Variants in WDFY1 observed in about 807,000 individuals in gnomAD.
WDFY1 encodes WD repeat and FYVE domain containing 1, also known as WD repeat and FYVE domain-containing protein 1.
WDFY1 carries 32 observed loss-of-function variants against 56.4 expected under a neutral mutation model. The ratio of observed to expected loss-of-function variants is 0.57; its 90% CI spans 0.43 to 0.76. The LOEUF (loss-of-function observed/expected upper bound fraction) is 0.76. Ranked by LOEUF, WDFY1 falls within the 30% of genes least tolerant of loss-of-function variation. The pLI, the probability that WDFY1 is intolerant of heterozygous loss-of-function variation, is 0.00. For synonymous variants in WDFY1, 192 were observed against 197.3 expected, an observed-to-expected ratio of 0.97 and a Z score of 0.23; for missense variants, 480 against 545.7, an observed-to-expected ratio of 0.88 and a Z score of 1.20.
At chr2:223,914,754 A>C (rs1162187782) in intron 2 of WDFY1, among the ~76,000 whole-genome samples, 1 of 152,246 alleles carries the variant, frequency 6.6e-6, no homozygotes, top group East Asian at 1.9e-4. Context: ...TCTGCCTTGC[A>C]TAGCTGTTGT....
intron 1 of WDFY1, among the ~76,000 whole-genome samples, chr2:223,929,651 T>A (rs753349327): frequency 5.9e-5 from 9 of 151,896 alleles, no homozygotes; most frequent in Non-Finnish European, 8.8e-5. Context: ...CTAAAAAAAA[T>A]TTAAAAAAAT....
chr2:223,926,405 A>G (rs1693978910), intron 1 of WDFY1, among the ~76,000 whole-genome samples: 1 of 152,160 alleles, frequency 6.6e-6, no homozygotes, highest in South Asian at 2.1e-4. Flanking sequence ...TGCTGAGACT[A>G]CAAGCATGAG....
intron 1 of WDFY1, among the ~76,000 whole-genome samples, chr2:223,919,887 C>T (rs145389748): frequency 6.6e-6 from 1 of 152,302 alleles, no homozygotes; most frequent in East Asian, 1.9e-4. Flanking sequence ...GGGAGACCCT[C>T]ACACACCCTG....
intron 6 of WDFY1, among the ~76,000 whole-genome samples, chr2:223,897,351 C>CATATATATATAT (rs1194128689): frequency 3.4e-4 from 18 of 53,664 alleles, no homozygotes; most frequent in East Asian, 1.7e-3. Context: ...CTAAATTTCG[C>CATATATATATAT]ATATATATAT....
chr2:223,884,868 T>TTTC, intron 8 of WDFY1, 119 bp from the exon 9 acceptor site: 5 of 918,518 alleles, frequency 5.4e-6, no homozygotes, highest in South Asian at 1.7e-5. Context: ...TCTTTTTTTT[T>TTTC]TTTTTTTGGT....
intron 1 of WDFY1, among the ~76,000 whole-genome samples, chr2:223,920,260 C>T (rs1171955367): frequency 3.3e-5 from 5 of 152,222 alleles, no homozygotes; most frequent in South Asian, 4.1e-4. Context: ...ACCAGTGACC[C>T]GCTGCTCAAG....
chr2:223,921,937 C>G (rs1400185739), intron 1 of WDFY1, among the ~76,000 whole-genome samples: 2 of 152,196 alleles, frequency 1.3e-5, no homozygotes, highest in Non-Finnish European at 1.5e-5. Flanking sequence ...ACTCTTGCCT[C>G]CCTCTGCTCC....
At chr2:223,899,957 A>G (rs1298324725) in intron 5 of WDFY1, among the ~76,000 whole-genome samples, 15 of 152,320 alleles carry the variant, frequency 9.8e-5, no homozygotes, top group Non-Finnish European at 2.2e-4. Flanking sequence ...ATTACTGTGG[A>G]TAGTTTAATA....
chr2:223,928,063 G>T (rs1694015504), intron 1 of WDFY1, among the ~76,000 whole-genome samples: 1 of 152,138 alleles, frequency 6.6e-6, no homozygotes, highest in African/African-American at 2.4e-5. Context: ...GGCACAGTTT[G>T]TGGCTCCCCA....
chr2:223,894,451 CACTG>C (rs1693327910), intron 7 of WDFY1, 112 bp from the exon 8 acceptor site: 2 of 995,300 alleles, frequency 2.0e-6, no homozygotes, highest in Admixed American at 4.1e-5. Flanking sequence ...GGTATTTTAC[CACTG>C]ACTATTTAGC....
chr2:223,919,493 G>C (rs922818142), intron 1 of WDFY1, among the ~76,000 whole-genome samples: 3 of 152,178 alleles, frequency 2.0e-5, no homozygotes, highest in Admixed American at 1.3e-4. Flanking sequence ...TTACAGGCGT[G>C]AATCATCACA....
At chr2:223,885,258 A>G (rs1490559006) in intron 8 of WDFY1, among the ~76,000 whole-genome samples, 1 of 149,340 alleles carries the variant, frequency 6.7e-6, no homozygotes, top group South Asian at 2.1e-4. Context: ...TGTCGTGAAC[A>G]TGGCTCACTG....
chr2:223,926,653 T>C (rs1415855795), intron 1 of WDFY1, among the ~76,000 whole-genome samples: 2 of 150,226 alleles, frequency 1.3e-5, no homozygotes, highest in African/African-American at 4.9e-5. Flanking sequence ...AATATGTGCG[T>C]GTGTGTGTGT....
At chr2:223,895,408 G>C (rs531644464) in intron 7 of WDFY1, 96 bp downstream of exon 7, 109 of 1,565,448 alleles carry the variant, frequency 7.0e-5, no homozygotes, top group Non-Finnish European at 9.2e-5. Context: ...ATCTTAGAAC[G>C]TGGGGTTTGC....
Position 223,880,188 on chromosome 2 carries a change from GA to G in WDFY1, c.1108del (p.Ser370ProfsTer11). The G allele has an allele frequency of 6.2e-7, 1 of 1,614,148 alleles. No homozygotes were observed. The highest frequency in any genetic ancestry group is 8.5e-7 in the Non-Finnish European group (1 of 1,180,016). Reference sequence around the variant, plus strand: ...CCTGGCAATGTCCATGGACATGTGGGAAATGTTATGTTTTCCTTCATGAAAG... The same window carrying G: ...CCTGGCAATGTCCATGGACATGTGGGAATGTTATGTTTTCCTTCATGAAAG... ...ATFHEGKHNI[S>X]HMSMDIARGL... On this transcript the variant is annotated frameshift_variant, in exon 11 of 12. Transcript: ENST00000233055. LOFTEE classifies it high-confidence loss of function.
At chr2:223,914,217 G>A (rs932359686) in intron 2 of WDFY1, among the ~76,000 whole-genome samples, 3 of 151,778 alleles carry the variant, frequency 2.0e-5, no homozygotes, top group South Asian at 4.1e-4. Flanking sequence ...GGCCAGTCTC[G>A]AACTCCTGAC....
intron 5 of WDFY1, among the ~76,000 whole-genome samples, chr2:223,900,661 T>C (rs903737825): frequency 3.9e-5 from 6 of 152,212 alleles, no homozygotes; most frequent in Non-Finnish European, 7.3e-5. Flanking sequence ...TAAGCAAAAG[T>C]TTTGTGTAAA....
chr2:223,914,238 C>T (rs892564513), intron 2 of WDFY1, among the ~76,000 whole-genome samples: 2 of 152,022 alleles, frequency 1.3e-5, no homozygotes, highest in African/African-American at 4.8e-5. Context: ...CTCAAATGAT[C>T]AGCCTGCCTC....
At chr2:223,883,532 C>A (rs1220364861) in intron 9 of WDFY1, among the ~76,000 whole-genome samples, 1 of 152,200 alleles carries the variant, frequency 6.6e-6, no homozygotes, top group Non-Finnish European at 1.5e-5. Context: ...AACTCAGGTG[C>A]TATTTCAGAG....
Sources: gnomAD v4.1 joint callset for allele counts (sites outside exome capture counted in the v4.1 genomes callset) on GRCh38, gnomAD v4.1.1 for gene constraint, MANE v1.5 for transcripts, NCBI Gene and HGNC (gene_info 2026-07-23, HGNC 2026-07-21) for gene names.